The following SLC44A5 variants were observed in gnomAD, a reference collection of about 807,000 sequenced individuals.
SLC44A5 encodes the protein choline transporter-like protein 5.
In SLC44A5, 57 loss-of-function variants were observed where a neutral mutation model predicts 101.8. The ratio of observed to expected loss-of-function variants is 0.56; its 90% CI spans 0.45 to 0.70. SLC44A5 has a LOEUF of 0.70. SLC44A5 is among the 30% of genes least tolerant of loss of function. The pLI, the probability that SLC44A5 is intolerant of heterozygous loss-of-function variation, is 0.00. For missense variants in SLC44A5, 737 were observed against 853.1 expected (o/e 0.86, Z 1.70); for synonymous variants, 281 against 290.9 (o/e 0.97, Z 0.35).
intron 2 of SLC44A5, among the ~76,000 whole-genome samples, chr1:75,407,943 A>C (rs1421063419): frequency 1.3e-5 from 2 of 152,222 alleles, no homozygotes; most frequent in Non-Finnish European, 1.5e-5. Context: ...AATGGGAGAA[A>C]ATTTTTGCAA....
intron 2 of SLC44A5, among the ~76,000 whole-genome samples, chr1:75,401,385 C>T (rs1191867114): frequency 6.6e-6 from 1 of 152,128 alleles, no homozygotes; most frequent in East Asian, 1.9e-4. Context: ...AATCAGCATA[C>T]CAATCATTAT....
intron 23 of SLC44A5, 37 bp from the exon 24 acceptor site, chr1:75,203,870 A>G (rs1646702722): frequency 1.3e-6 from 2 of 1,512,764 alleles, no homozygotes; most frequent in Non-Finnish European, 8.9e-7. Context: ...ATATCAAAGC[A>G]GAACTGTAAG....
intron 6 of SLC44A5, among the ~76,000 whole-genome samples, chr1:75,261,661 T>G (rs552401216): frequency 6.6e-6 from 1 of 152,206 alleles, no homozygotes; most frequent in East Asian, 1.9e-4. Context: ...CCTCCCTAAA[T>G]CATTTTATGA....
intron 2 of SLC44A5, among the ~76,000 whole-genome samples, chr1:75,526,729 T>C (rs186556418): frequency 2.0e-5 from 3 of 152,324 alleles, no homozygotes; most frequent in Non-Finnish European, 4.4e-5. Context: ...AAAAAACTAT[T>C]GGTGTTCCCT....
intron 23 of SLC44A5, chr1:75,205,076 G>A (rs1646727752): frequency 6.6e-6 from 1 of 152,170 alleles, no homozygotes; most frequent in Non-Finnish European, 1.5e-5. Context: ...GAAGCCAACT[G>A]ACACTTTTGA....
intron 2 of SLC44A5, among the ~76,000 whole-genome samples, chr1:75,481,266 A>G (rs1407977410): frequency 1.3e-5 from 2 of 152,264 alleles, no homozygotes; most frequent in Non-Finnish European, 2.9e-5. Context: ...AGATGGATTA[A>G]AGACTTAAAT....
chr1:75,372,709 T>C (rs1045355350), intron 3 of SLC44A5, among the ~76,000 whole-genome samples: 1 of 152,208 alleles, frequency 6.6e-6, no homozygotes, highest in Non-Finnish European at 1.5e-5. Context: ...CTTTTCATGG[T>C]AATGTTTACT....
chr1:75,398,132 G>A (rs1312025046), intron 2 of SLC44A5, among the ~76,000 whole-genome samples: 1 of 152,104 alleles, frequency 6.6e-6, no homozygotes, highest in African/African-American at 2.4e-5. Flanking sequence ...CTGTTCCTGG[G>A]CCCTAAATGA....
In SLC44A5 at chr1:75,539,733, T is replaced by C. The variant is rs1226828115; in HGVS notation, c.13+1702A>G. On this transcript the variant is annotated intron_variant, in intron 2 of 23. Coordinates refer to ENST00000370859, the MANE Select transcript of SLC44A5 (RefSeq NM_001130058.2). The stretch of plus-strand genomic sequence containing the variant: ...ATTCATTAACTTAAGGTCAAAGACA[T>C]GCAAGCTACTTGACAATAAATGGAG... Among the ~76,000 whole-genome samples, 3 of 152,312 alleles carry C rather than the reference T, an allele frequency of 2.0e-5. No individual in the cohort carries two copies. In the East Asian group the frequency reaches 5.8e-4, roughly 29 times the overall value.
the SLC44A5 span, among the ~76,000 whole-genome samples, chr1:75,673,537 T>C: frequency 1.3e-5 from 2 of 152,094 alleles, no homozygotes; most frequent in East Asian, 3.9e-4. Context: ...ATTCTCCACA[T>C]GCTAACTGAA....
chr1:75,322,908 A>C (rs1356353897), intron 4 of SLC44A5, among the ~76,000 whole-genome samples: 1 of 152,176 alleles, frequency 6.6e-6, no homozygotes, highest in African/African-American at 2.4e-5. Context: ...TCATCCGAAA[A>C]TAGGAGACTG....
chr1:75,219,829 G>A lies in SLC44A5; in HGVS notation c.1149C>T (p.Ile383=). Reference sequence around the variant, plus strand: ...CTGTCACGACCCAGTAGCAAATGCAGATTGAGAGCAAAATGAAAGTTAAAG... The same window carrying A: ...CTGTCACGACCCAGTAGCAAATGCAAATTGAGAGCAAAATGAAAGTTAAAG... The part of the protein sequence containing the change: ...YPALTFILLS[I]CICYWVVTAV... Residue 383 remains isoleucine (I), a synonymous_variant, in exon 15 of 24, where the codon ATC becomes ATT. Coordinates refer to ENST00000370859, the MANE Select transcript of SLC44A5 (RefSeq NM_001130058.2). 6.2e-7 allele frequency: 1 copy of A among 1,612,920 alleles called. No individual in the cohort carries two copies.
At chr1:75,279,751 T>C (rs76674530) in intron 5 of SLC44A5, among the ~76,000 whole-genome samples, 1 of 135,794 alleles carries the variant, frequency 7.4e-6, no homozygotes, top group African/African-American at 2.9e-5. Context: ...TATGTATGTA[T>C]ACATGTATGT....
Position 75,242,920 on chromosome 1 carries a change from C to A in SLC44A5, c.437G>T (p.Arg146Leu). 1 of 1,611,904 alleles carries A rather than the reference C, an allele frequency of 6.2e-7. No homozygotes were observed. The highest frequency in any genetic ancestry group is 8.5e-7 in the Non-Finnish European group (1 of 1,178,862). The change falls in exon 8 of 24, where the codon CGT becomes CTT. Residue 146 changes from arginine to leucine, a missense_variant. By Grantham distance (102) the Arg-to-Leu change is moderately radical (BLOSUM62 -2). Coordinates refer to ENST00000370859, the MANE Select transcript of SLC44A5 (RefSeq NM_001130058.2). ...TKDKSYWEDY[R>L]QFCKTTAKPV... ...CTTAGCAGTGGTCTTACAGAACTGA[C>A]GGTAGTCTTCCCAGTAGCTTTTGTC...
At position 75,592,484 on chromosome 1, in the gene SLC44A5, G is replaced by GA. The variant is rs564901863; in HGVS notation, c.-70+18555dup. Reference sequence around the variant, plus strand: ...AACAATGACATTCTTCACATAAATAGAAAAAACAATCCTAAAATTTATATG... The same window carrying GA: ...AACAATGACATTCTTCACATAAATAGAAAAAAACAATCCTAAAATTTATATG... On this transcript the variant is annotated intron_variant, in intron 1 of 23. Transcript: ENST00000370859. Among the ~76,000 whole-genome samples the GA allele has an allele frequency of 3.8e-3, 585 of 152,098 alleles. 5 individuals are homozygous for GA. The highest frequency in any genetic ancestry group is 0.014 in the African/African-American group (567 of 41,516).
intron 2 of SLC44A5, among the ~76,000 whole-genome samples, chr1:75,456,367 G>A (rs917111915): frequency 1.6e-4 from 25 of 152,154 alleles, no homozygotes; most frequent in African/African-American, 5.8e-4. Flanking sequence ...GAGAAAAAAG[G>A]GAAGTAAGAG....
At chr1:75,539,667 A>G (rs1440470260) in intron 2 of SLC44A5, among the ~76,000 whole-genome samples, 1 of 152,214 alleles carries the variant, frequency 6.6e-6, no homozygotes, top group Non-Finnish European at 1.5e-5. Context: ...GTAATGGCTC[A>G]AGCCCAAGGA....
Position 75,222,245 on chromosome 1 carries a change from C to A in SLC44A5, c.1085+116G>T, listed in dbSNP as rs966264998. Reference sequence around the variant, plus strand: ...TGCTGGGATTACAGGTGTGAACCACCGCGCCCAGCAAAAAGTGTTCTTAAA... The same window carrying A: ...TGCTGGGATTACAGGTGTGAACCACAGCGCCCAGCAAAAAGTGTTCTTAAA... On this transcript the variant is annotated intron_variant, in intron 14 of 23. Coordinates refer to ENST00000370859, the MANE Select transcript of SLC44A5 (RefSeq NM_001130058.2). The A allele has an allele frequency of 2.0e-5, 15 of 756,958 alleles. 1 individual carries two copies. In the South Asian group the frequency reaches 2.5e-4, roughly 13 times the overall value. 46.9% of individuals were successfully genotyped at this position (756,958 alleles called of 1,614,324 possible).
intron 3 of SLC44A5, among the ~76,000 whole-genome samples, chr1:75,393,037 A>G (rs1009666155): frequency 1.3e-5 from 2 of 152,108 alleles, no homozygotes; most frequent in Non-Finnish European, 2.9e-5. Flanking sequence ...TTGAAAATCA[A>G]CCTATTGGGT....
Sources: allele counts gnomAD v4.1 joint callset (sites outside exome capture counted in the v4.1 genomes callset), GRCh38; gene constraint gnomAD v4.1.1; transcripts MANE v1.5; gene names NCBI Gene and HGNC (gene_info 2026-07-23, HGNC 2026-07-21).